Variants in NXPE3 observed in about 807,000 individuals in gnomAD.
NXPE3 encodes NXPE family member 3.
Under a neutral mutation model 46.1 loss-of-function variants are expected in NXPE3, and 26 were observed. The observed-to-expected ratio is 0.56, with a 90% CI of 0.41 to 0.78. NXPE3 has a LOEUF of 0.78. Ranked by LOEUF, NXPE3 falls within the 30% of genes least tolerant of loss-of-function variation. The probability of loss-of-function intolerance (pLI) is 0.00; values close to 1 mark genes in which losing one functional copy is unlikely to be tolerated. For synonymous variants in NXPE3, 272 were observed against 257.9 expected, an observed-to-expected ratio of 1.05 and a Z score of -0.52; for missense variants, 620 against 686.0, an observed-to-expected ratio of 0.90 and a Z score of 1.07.
At position 101,812,014 on chromosome 3, in the gene NXPE3, G is replaced by A. The variant is rs7620062; in HGVS notation, c.923-4781G>A. ...TTCCTAAAGTGTTGGGATTACAGGT[G>A]TGAGCCACCACTGTACCTGGCCTGC... is the stretch of plus-strand genomic sequence containing the variant. On this transcript the variant is annotated intron_variant, in intron 6 of 7. Coordinates refer to ENST00000273347, the MANE Select transcript of NXPE3 (RefSeq NM_145037.4). 9.0e-3 allele frequency among the ~76,000 whole-genome samples: 1,371 copies of A among 152,144 alleles called. 21 individuals are homozygous for A. The highest frequency in any genetic ancestry group is 0.031 in the African/African-American group (1,293 of 41,524).
intron 4 of NXPE3, among the ~76,000 whole-genome samples, chr3:101,797,627 A>G (rs1184980549): frequency 2.0e-5 from 2 of 97,642 alleles, no homozygotes; most frequent in African/African-American, 8.2e-5. Flanking sequence ...TCCTGTGTCC[A>G]TGTGATCTCA....
At chr3:101,802,072 G>A (rs1286149751) in intron 5 of NXPE3, 83 bp downstream of exon 5, 8 of 1,352,182 alleles carry the variant, frequency 5.9e-6, no homozygotes, top group African/African-American at 4.4e-5. Context: ...TCTGGTATTC[G>A]GTATGTGTTT....
At chr3:101,805,480 G>C (rs1478892629) in intron 5 of NXPE3, among the ~76,000 whole-genome samples, 1 of 151,628 alleles carries the variant, frequency 6.6e-6, no homozygotes, top group Non-Finnish European at 1.5e-5. Flanking sequence ...CCAGGCTGGG[G>C]TGCGGTGCAG....
At chr3:101,813,242 T>C (rs1017891126) in intron 6 of NXPE3, among the ~76,000 whole-genome samples, 1 of 152,196 alleles carries the variant, frequency 6.6e-6, no homozygotes, top group Non-Finnish European at 1.5e-5. Flanking sequence ...TTCCCCCTTA[T>C]AAACTGTGTA....
chr3:101,784,185 G>A (rs1940007143), intron 3 of NXPE3, among the ~76,000 whole-genome samples: 1 of 152,080 alleles, frequency 6.6e-6, no homozygotes, highest in Non-Finnish European at 1.5e-5. Context: ...GTATAATGCA[G>A]TATCATTAAG....
chr3:101,786,508 C>T (rs1226457547), intron 4 of NXPE3, among the ~76,000 whole-genome samples: 1 of 152,202 alleles, frequency 6.6e-6, no homozygotes, highest in Non-Finnish European at 1.5e-5. Context: ...TCCTACAGAT[C>T]TTTTCCTGTG....
chr3:101,789,918 T>A lies in NXPE3; in HGVS notation c.93+4229T>A, dbSNP rs1219149990. Among the ~76,000 whole-genome samples, 3 of 152,164 alleles carry A rather than the reference T, an allele frequency of 2.0e-5. No homozygotes were observed. In the East Asian group the frequency reaches 5.8e-4, roughly 29 times the overall value. On this transcript the variant is annotated intron_variant, in intron 4 of 7. Transcript: ENST00000273347. ...GTTGTCCAGGCTTTTTTCAAACTTC[T>A]GGACTCAAGCGATCCTCCTGCCTAA...
intron 4 of NXPE3, among the ~76,000 whole-genome samples, chr3:101,788,202 T>C (rs1210966305): frequency 6.6e-6 from 1 of 152,244 alleles, no homozygotes; most frequent in Non-Finnish European, 1.5e-5. Context: ...ATTCCGGTAC[T>C]CACTGTTTAA....
At chr3:101,788,058 T>G (rs543718547) in intron 4 of NXPE3, among the ~76,000 whole-genome samples, 8 of 152,208 alleles carry the variant, frequency 5.3e-5, no homozygotes, top group African/African-American at 1.9e-4. Context: ...GCACTTGTCA[T>G]TTTGTTTTGT....
At chr3:101,806,090 TGAA>T (rs1941405230) in intron 5 of NXPE3, among the ~76,000 whole-genome samples, 1 of 152,130 alleles carries the variant, frequency 6.6e-6, no homozygotes, top group African/African-American at 2.4e-5. Context: ...GTCAGCTCCA[TGAA>T]GAAGGAGATG....
chr3:101,789,872 G>T (rs983476196), intron 4 of NXPE3, among the ~76,000 whole-genome samples: 3 of 151,926 alleles, frequency 2.0e-5, no homozygotes, highest in African/African-American at 7.2e-5. Context: ...TTATGTTTTT[G>T]CAGAGATGGG....
chr3:101,781,864 T>C (rs543089754), intron 1 of NXPE3: 2 of 152,214 alleles, frequency 1.3e-5, no homozygotes, highest in Non-Finnish European at 2.9e-5. Flanking sequence ...TCGCTGTTTA[T>C]AAAGTTTTGA....
rs1432970149 is a variant in NXPE3, at chr3:101,825,877, A to G, written c.*3923A>G. On this transcript the variant is annotated 3_prime_UTR_variant, in exon 8 of 8. Coordinates refer to ENST00000273347, the MANE Select transcript of NXPE3 (RefSeq NM_145037.4). ...TTCCAGAACTGAGATGATTGATTTG[A>G]TGCTATTTGTGACAGACAGAACCCA... The G allele has an allele frequency of 6.6e-6, 1 of 152,214 alleles. No individual in the cohort carries two copies. Among genetic ancestry groups the G allele is most frequent in the Non-Finnish European group, 1.5e-5 (1 of 68,036 alleles). The allele number at this position is 152,214 out of a possible 1,614,324, so 9.4% of individuals were successfully genotyped here.
Position 101,827,644 on chromosome 3 carries a change from T to C in NXPE3, c.*5690T>C, listed in dbSNP as rs1014153426. 1.3e-5 allele frequency among the ~76,000 whole-genome samples: 2 copies of C among 152,214 alleles called. No individual in the cohort carries two copies. The highest frequency in any genetic ancestry group is 2.9e-5 in the Non-Finnish European group (2 of 68,040). ...TTCACTAGGACATTTTAAAAGGACGTCTTTAAGGAAAAAGTTTTGTTTGTA... is the reference window on the plus strand; with the variant it reads ...TTCACTAGGACATTTTAAAAGGACGCCTTTAAGGAAAAAGTTTTGTTTGTA... On this transcript the variant is annotated 3_prime_UTR_variant, in exon 8 of 8. Transcript: ENST00000273347.
In NXPE3 at chr3:101,801,381, C is replaced by G; in HGVS notation, c.240C>G (p.Ser80=). 1 of 1,614,228 alleles carries G rather than the reference C, an allele frequency of 6.2e-7. No homozygotes were observed. Among genetic ancestry groups the G allele is most frequent in the African/African-American group, 1.3e-5 (1 of 75,044 alleles). Residue 80 remains serine (S), a synonymous_variant, in exon 5 of 8, where the codon TCC becomes TCG. Transcript: ENST00000273347. ...GCCAGGAGCGCATGGAGGAGGACTC[C>G]TTGCTGGCTGCCTTGCACCGGCAGG... ...LSSQERMEED[S]LLAALHRQVP... is the part of the protein sequence containing the mutation.
At chr3:101,806,170 A>G (rs1353844009) in intron 5 of NXPE3, among the ~76,000 whole-genome samples, 1 of 152,210 alleles carries the variant, frequency 6.6e-6, no homozygotes, top group East Asian at 1.9e-4. Flanking sequence ...AAGCTTAAGA[A>G]TTATTTGTTG....
Position 101,813,234 on chromosome 3 carries a change from C to T in NXPE3, c.923-3561C>T, listed in dbSNP as rs986272614. Reference sequence around the variant, plus strand: ...GATCCCATTTCTTCTGTCTTGTTTTCCCCCTTATAAACTGTGTACTCCCCT... The same window carrying T: ...GATCCCATTTCTTCTGTCTTGTTTTTCCCCTTATAAACTGTGTACTCCCCT... On this transcript the variant is annotated intron_variant, in intron 6 of 7. Transcript: ENST00000273347. Among the ~76,000 whole-genome samples the T allele has an allele frequency of 2.0e-5, 3 of 152,204 alleles. No homozygotes were observed. In the East Asian group the frequency reaches 5.8e-4, roughly 29 times the overall value.
intron 6 of NXPE3, among the ~76,000 whole-genome samples, chr3:101,811,722 A>C (rs1412999482): frequency 7.0e-6 from 1 of 142,734 alleles, no homozygotes; most frequent in African/African-American, 2.5e-5. Flanking sequence ...TGCCTGCAGT[A>C]GTTAATTTTT....
chr3:101,822,136 A>G lies in NXPE3; in HGVS notation c.*182A>G, dbSNP rs751225883. ...ATGCAGGTTACATTTATATCTACCTATAGGATTTTATCCAATGTTGACTTA... is the reference window on the plus strand; with the variant it reads ...ATGCAGGTTACATTTATATCTACCTGTAGGATTTTATCCAATGTTGACTTA... On this transcript the variant is annotated 3_prime_UTR_variant, in exon 8 of 8. Transcript: ENST00000273347. The G allele has an allele frequency of 3.0e-4, 174 of 587,416 alleles. 1 individual carries two copies. The highest frequency in any genetic ancestry group is 8.7e-4 in the Middle Eastern group (2 of 2,298). 36.4% of individuals were successfully genotyped at this position (587,416 alleles called of 1,614,324 possible).
Sources: allele counts gnomAD v4.1 joint callset (sites outside exome capture counted in the v4.1 genomes callset), GRCh38; gene constraint gnomAD v4.1.1; transcripts MANE v1.5; gene names NCBI Gene and HGNC (gene_info 2026-07-23, HGNC 2026-07-21).